MICU3: variants seen among roughly 807,000 people sequenced by gnomAD.
The protein encoded by MICU3 is calcium uptake protein 3, mitochondrial.
In MICU3, 62 loss-of-function variants were observed where a neutral mutation model predicts 66.5. The ratio of observed to expected loss-of-function variants is 0.93; its 90% CI spans 0.76 to 1.15. The LOEUF (loss-of-function observed/expected upper bound fraction) is 1.15. Among genes scored for constraint, MICU3 ranks in the 50% most tolerant of loss-of-function variants. MICU3 has a pLI of 0.00. For missense variants in MICU3, 779 were observed against 664.4 expected (o/e 1.17, Z -1.90); for synonymous variants, 308 against 240.7 (o/e 1.28, Z -2.59).
At chr8:17,088,234 T>C (rs1791464190) in intron 7 of MICU3, among the ~76,000 whole-genome samples, 1 of 151,918 alleles carries the variant, frequency 6.6e-6, no homozygotes. Flanking sequence ...TTGACAAAGC[T>C]TATGGAAGAC....
At chr8:17,098,761 T>A (rs1331537858) in intron 9 of MICU3, among the ~76,000 whole-genome samples, 1 of 151,790 alleles carries the variant, frequency 6.6e-6, no homozygotes, top group African/African-American at 2.4e-5. Flanking sequence ...GCATTTTTTT[T>A]AACTTAAGGA....
At chr8:17,126,056 C>G (rs1424672140), downstream of MICU3, among the ~76,000 whole-genome samples, 3 of 148,064 alleles carry the variant, frequency 2.0e-5, no homozygotes, top group Non-Finnish European at 3.0e-5. Context: ...AAAAAAACCT[C>G]TCTCTGATTT....
At chr8:17,039,041 C>G (rs765584172) in intron 1 of MICU3, among the ~76,000 whole-genome samples, 3 of 151,950 alleles carry the variant, frequency 2.0e-5, no homozygotes, top group Non-Finnish European at 4.4e-5. Flanking sequence ...CCACTCTGAT[C>G]AGTTAGTAGC....
chr8:17,067,639 C>G (rs947270779), intron 2 of MICU3, among the ~76,000 whole-genome samples: 7 of 151,962 alleles, frequency 4.6e-5, no homozygotes, highest in Non-Finnish European at 8.8e-5. Flanking sequence ...ATGGTTTAAC[C>G]ATATTGGCCA....
chr8:17,125,903 G>A (rs562291128), downstream of MICU3, among the ~76,000 whole-genome samples: 6 of 151,998 alleles, frequency 3.9e-5, no homozygotes, highest in Non-Finnish European at 4.4e-5. Context: ...GGTGGTGCAC[G>A]CCTGTAGTCC....
chr8:17,072,773 A>G (rs930423392), intron 3 of MICU3, among the ~76,000 whole-genome samples: 5 of 152,204 alleles, frequency 3.3e-5, no homozygotes, highest in African/African-American at 1.2e-4. Context: ...AATTAAACCA[A>G]TGATACGATA....
intron 2 of MICU3, among the ~76,000 whole-genome samples, chr8:17,067,792 C>G (rs889729886): frequency 6.6e-6 from 1 of 151,926 alleles, no homozygotes; most frequent in African/African-American, 2.4e-5. Context: ...ATTTTTTTCG[C>G]TGTTTAAAAT....
chr8:17,122,996 T>C (rs574044257), downstream of MICU3, among the ~76,000 whole-genome samples: 121 of 152,182 alleles, frequency 8.0e-4, no homozygotes, highest in Non-Finnish European at 1.4e-3. Context: ...CTAGTTATTA[T>C]CCTACTACTT....
chr8:17,077,908 T>C (rs1199238749), intron 4 of MICU3, 47 bp downstream of exon 4: 1 of 1,158,350 alleles, frequency 8.6e-7, no homozygotes, highest in East Asian at 2.6e-5. Context: ...ATATTATGTA[T>C]ACTATTTATA....
the MICU3 span, among the ~76,000 whole-genome samples, chr8:17,128,532 G>T: frequency 6.6e-6 from 1 of 152,160 alleles, no homozygotes; most frequent in African/African-American, 2.4e-5. Flanking sequence ...ATACACTTAT[G>T]AGATAGAATT....
Position 17,027,415 on chromosome 8 carries a change from C to G in MICU3, c.136C>G (p.Arg46Gly), listed in dbSNP as rs753015967. ...LGLPGRPFSS[R>G]EDEERAVAEA... ...CCTTCCTGGCCGGCCCTTCTCCTCC[C>G]GAGAGGATGAGGAGAGGGCTGTGGC... The change falls in exon 1 of 15, where the codon CGA (arginine) becomes GGA (glycine). Residue 46 changes from arginine to glycine, a missense_variant. Physicochemically the swap from Arg to Gly is moderately radical, Grantham distance 125. Coordinates refer to ENST00000318063, the MANE Select transcript of MICU3 (RefSeq NM_181723.3). 3 of 1,400,390 alleles carry G rather than the reference C, an allele frequency of 2.1e-6. No homozygotes were observed. The highest frequency in any genetic ancestry group is 9.2e-7 in the Non-Finnish European group (1 of 1,083,958). 86.7% of individuals were successfully genotyped at this position (1,400,390 alleles called of 1,614,324 possible).
intron 12 of MICU3, among the ~76,000 whole-genome samples, chr8:17,115,822 G>A (rs1287718273): frequency 6.6e-6 from 1 of 152,054 alleles, no homozygotes; most frequent in African/African-American, 2.4e-5. Flanking sequence ...GATGTCCCCT[G>A]CTCCACCCAA....
intron 1 of MICU3, among the ~76,000 whole-genome samples, chr8:17,037,024 G>T (rs1245707498): frequency 6.6e-6 from 1 of 152,212 alleles, no homozygotes; most frequent in East Asian, 1.9e-4. Flanking sequence ...GGCACTGCTG[G>T]GGGACCCAGT....
chr8:17,116,267 C>T (rs1156781375), intron 12 of MICU3, among the ~76,000 whole-genome samples, 176 bp from the exon 13 acceptor site: 4 of 152,222 alleles, frequency 2.6e-5, no homozygotes, highest in Admixed American at 2.0e-4. Flanking sequence ...TGGCTCTTTT[C>T]ATTTAAACCA....
intron 4 of MICU3, among the ~76,000 whole-genome samples, chr8:17,078,918 A>C (rs1820774857): frequency 6.6e-6 from 1 of 152,178 alleles, no homozygotes; most frequent in African/African-American, 2.4e-5. Context: ...TTCAGATCTT[A>C]GGGTGAGATA....
intron 8 of MICU3, among the ~76,000 whole-genome samples, chr8:17,096,851 A>C (rs1265535256): frequency 2.6e-5 from 4 of 151,906 alleles, no homozygotes. Context: ...AAAATATCCT[A>C]ACCCCAACAT....
chr8:17,107,839 T>C (rs193005210), intron 11 of MICU3, among the ~76,000 whole-genome samples: 49 of 152,342 alleles, frequency 3.2e-4, no homozygotes, highest in African/African-American at 1.1e-3. Context: ...TCAGATGTGG[T>C]CTAATTCATG....
chr8:17,048,266 C>G (rs1456574289), intron 1 of MICU3, among the ~76,000 whole-genome samples: 2 of 152,092 alleles, frequency 1.3e-5, no homozygotes, highest in African/African-American at 4.8e-5. Context: ...GTACATAGCC[C>G]TCACAAGGAC....
At chr8:17,028,302 A>C (rs1282710590) in intron 1 of MICU3, among the ~76,000 whole-genome samples, 1 of 152,228 alleles carries the variant, frequency 6.6e-6, no homozygotes, top group African/African-American at 2.4e-5. Flanking sequence ...GATAAAACAC[A>C]AAATGGATAG....
Sources: allele counts gnomAD v4.1 joint callset (sites outside exome capture counted in the v4.1 genomes callset), GRCh38; gene constraint gnomAD v4.1.1; transcripts MANE v1.5; gene names NCBI Gene and HGNC (gene_info 2026-07-23, HGNC 2026-07-21).